KDM1A: variants seen among roughly 807,000 people sequenced by gnomAD.
KDM1A encodes the protein lysine-specific histone demethylase 1A.
In KDM1A, 49 loss-of-function variants were observed where a neutral mutation model predicts 109.4. The ratio of observed to expected loss-of-function variants is 0.45; its 90% CI spans 0.36 to 0.57. The LOEUF is 0.57. Among genes scored for constraint, KDM1A ranks in the 20% least tolerant of loss-of-function variants. The pLI, the probability that KDM1A is intolerant of heterozygous loss-of-function variation, is 0.00. For synonymous variants in KDM1A, 380 were observed against 415.4 expected (o/e 0.91, Z 1.04); for missense variants, 668 against 1,116.6 (o/e 0.60, Z 5.73).
At chr1:23,059,251 A>G (rs1423857807) in intron 9 of KDM1A, 84 bp downstream of exon 9, 11 of 838,942 alleles carry the variant, frequency 1.3e-5, no homozygotes, top group African/African-American at 3.4e-5. Context: ...ATGAGCATAT[A>G]CATATATACA....
At chr1:23,059,045 G>T in intron 8 of KDM1A, 28 bp from the exon 9 acceptor site, 1 of 1,484,654 alleles carries the variant, frequency 6.7e-7, no homozygotes, top group South Asian at 1.2e-5. Context: ...TAGGTCTATT[G>T]AATTTAATTG....
rs756594733 is a variant in KDM1A, at chr1:23,079,102, C to T, written c.1980C>T (p.Ala660=). Residue 660 remains alanine (A), a synonymous_variant, in exon 17 of 21, where the codon GCC becomes GCT. Coordinates refer to ENST00000400181, the MANE Select transcript of KDM1A (RefSeq NM_001009999.3). This position sits in a 1 kb window ranked among gnomAD's most constrained non-coding sequence, Gnocchi z 5.6. ...GTGTGCTGAAGCAGCAGCCACCAGC[C>T]GTTCAGTTTGTGCCACCTCTCCCTG... The part of the protein sequence containing the change: ...PLGVLKQQPP[A]VQFVPPLPEW... 1.3e-5 allele frequency: 21 copies of T among 1,614,008 alleles called. No individual in the cohort carries two copies. The East Asian group carries it at 2.7e-4, about 21-fold the overall frequency.
intron 4 of KDM1A, among the ~76,000 whole-genome samples, chr1:23,052,440 G>C (rs962265624): frequency 6.6e-6 from 1 of 152,114 alleles, no homozygotes; most frequent in African/African-American, 2.4e-5. Context: ...TGTGGATTTG[G>C]TCATAATCCC....
chr1:23,069,003 C>G, intron 11 of KDM1A, 58 bp from the exon 12 acceptor site: 1 of 1,163,388 alleles, frequency 8.6e-7, no homozygotes, highest in South Asian at 1.4e-5. Context: ...TTGATGGGCA[C>G]CTGTCTTATT....
intron 2 of KDM1A, among the ~76,000 whole-genome samples, chr1:23,043,663 T>G (rs1466243220): frequency 1.3e-5 from 2 of 152,184 alleles, no homozygotes; most frequent in African/African-American, 4.8e-5. Context: ...AATCTATTCT[T>G]TATCAGATTG....
At chr1:23,048,783 T>G (rs1034481196) in intron 3 of KDM1A, among the ~76,000 whole-genome samples, 7 of 152,186 alleles carry the variant, frequency 4.6e-5, no homozygotes, top group African/African-American at 9.7e-5. Context: ...TCTCCTAATC[T>G]TACTAATACC....
chr1:23,030,436 C>T (rs769395218), intron 1 of KDM1A, 33 bp from the exon 2 acceptor site: 10 of 1,438,502 alleles, frequency 7.0e-6, no homozygotes, highest in Admixed American at 2.6e-5. Context: ...ATGTTCACTG[C>T]ATTTAGCTTT....
intron 8 of KDM1A, 50 bp from the exon 9 acceptor site, chr1:23,059,023 G>A (rs1426711208): frequency 1.8e-6 from 2 of 1,109,150 alleles, no homozygotes; most frequent in Non-Finnish European, 2.5e-6. Flanking sequence ...TAAGGTTTTT[G>A]TTCTCTCTTC....
rs765979283 is a variant in KDM1A, at chr1:23,019,552, C to G, written c.-45C>G. 1.4e-5 allele frequency: 19 copies of G among 1,350,154 alleles called. 1 individual carries two copies. In the South Asian group the frequency reaches 2.4e-4, roughly 17 times the overall value. 83.6% of individuals were successfully genotyped at this position (1,350,154 alleles called of 1,614,324 possible). A position where few individuals can be genotyped will look rare whatever the true frequency, so the allele number is the denominator to read the frequency against. On this transcript the variant is annotated 5_prime_UTR_variant, in exon 1 of 21. Coordinates refer to ENST00000400181, the MANE Select transcript of KDM1A (RefSeq NM_001009999.3). ...AAGGCTTTTCGGACCCACGGAGCGA[C>G]AGAGCGAGCGGCCCCTACGGCCGTC...
intron 15 of KDM1A, among the ~76,000 whole-genome samples, 179 bp from the exon 16 acceptor site, chr1:23,077,049 T>C (rs1340445818): frequency 6.6e-6 from 1 of 152,210 alleles, no homozygotes; most frequent in Non-Finnish European, 1.5e-5. Context: ...GTGTTTTCTC[T>C]TTTTCCTTCA....
At chr1:23,051,378 G>A (rs540992995) in intron 4 of KDM1A, among the ~76,000 whole-genome samples, 38 of 152,274 alleles carry the variant, frequency 2.5e-4, no homozygotes, top group Admixed American at 2.0e-4. Context: ...GGAAAACTAC[G>A]TTGTCAAAGG....
intron 1 of KDM1A, among the ~76,000 whole-genome samples, chr1:23,028,989 C>T (rs1183155997): frequency 6.6e-6 from 1 of 152,132 alleles, no homozygotes; most frequent in African/African-American, 2.4e-5. Context: ...AAATAAGATT[C>T]TTAGAGCATG....
rs780428480 is a variant in KDM1A at position 23,019,900 on chromosome 1, G to A, written c.304G>A (p.Ala102Thr). 3.8e-6 allele frequency: 6 copies of A among 1,573,294 alleles called. No homozygotes were observed. The South Asian group carries it at 4.6e-5, about 12-fold the overall frequency. Residue 102 changes from alanine (A) to threonine (T), a missense_variant, in exon 1 of 21, where the codon GCA (alanine) becomes ACA (threonine). Ala to Thr is a moderately conservative substitution (Grantham distance 58, BLOSUM62 0). Coordinates refer to ENST00000400181, the MANE Select transcript of KDM1A (RefSeq NM_001009999.3). ...GSATPMETGI[A>T]ETPEGRRTSR... is the part of the protein sequence containing the mutation. ...TGCGACCCCCATGGAAACTGGAATAGCAGAGACTCCGGAGGGGCGTCGGAC... is the reference window on the plus strand; with the variant it reads ...TGCGACCCCCATGGAAACTGGAATAACAGAGACTCCGGAGGGGCGTCGGAC...
chr1:23,081,315 C>A, intron 18 of KDM1A, 131 bp from the exon 19 acceptor site: 1 of 1,009,944 alleles, frequency 9.9e-7, no homozygotes, highest in Non-Finnish European at 1.5e-6. Context: ...TCTGTCTCTT[C>A]GCATTTGAAT....
chr1:23,075,773 C>T (rs1198901060), intron 15 of KDM1A, among the ~76,000 whole-genome samples: 1 of 151,942 alleles, frequency 6.6e-6, no homozygotes, highest in Admixed American at 6.6e-5. Flanking sequence ...CATGGTGAAA[C>T]CCCATCTCTA....
intron 16 of KDM1A, among the ~76,000 whole-genome samples, chr1:23,078,042 T>C (rs1431011688): frequency 6.6e-6 from 1 of 152,160 alleles, no homozygotes; most frequent in East Asian, 1.9e-4. Flanking sequence ...TAACTAGTCA[T>C]CTCCCTCTCT....
chr1:23,079,088 C>T lies in KDM1A; in HGVS notation c.1966C>T (p.Gln656Ter), dbSNP rs2124544754. 1 of 1,614,122 alleles carries T rather than the reference C, an allele frequency of 6.2e-7. No individual in the cohort carries two copies. The highest frequency in any genetic ancestry group is 8.5e-7 in the Non-Finnish European group (1 of 1,179,994). The change falls in exon 17 of 21, where the codon CAG (glutamine) becomes TAG (stop). Residue 656 changes from glutamine to a stop codon, truncating the protein, a stop_gained. Coordinates refer to ENST00000400181, the MANE Select transcript of KDM1A (RefSeq NM_001009999.3). LOFTEE classifies it high-confidence loss of function. This position sits in a 1 kb window ranked among gnomAD's most constrained non-coding sequence, Gnocchi z 5.6. ...TACCCTTCCCCTGGGTGTGCTGAAG[C>T]AGCAGCCACCAGCCGTTCAGTTTGT... is the stretch of plus-strand genomic sequence containing the variant. ...LCTLPLGVLK[Q>*]QPPAVQFVPP...
chr1:23,074,915 G>T (rs1643419521), intron 15 of KDM1A, among the ~76,000 whole-genome samples: 1 of 152,178 alleles, frequency 6.6e-6, no homozygotes, highest in Admixed American at 6.5e-5. Context: ...CTATCATACT[G>T]TCTTGTAAGT....
At chr1:23,026,912 T>C (rs181621636) in intron 1 of KDM1A, among the ~76,000 whole-genome samples, 3 of 152,220 alleles carry the variant, frequency 2.0e-5, no homozygotes, top group Non-Finnish European at 2.9e-5. Flanking sequence ...GGTTTTTACT[T>C]AGGGATGAGA....
Sources: allele counts gnomAD v4.1 joint callset (sites outside exome capture counted in the v4.1 genomes callset), GRCh38; gene constraint gnomAD v4.1.1; non-coding constraint Gnocchi (gnomAD v3.1); transcripts MANE v1.5; gene names NCBI Gene and HGNC (gene_info 2026-07-23, HGNC 2026-07-21).